RBMS3: variants seen among roughly 807,000 people sequenced by gnomAD.
RBMS3 encodes the protein RNA-binding motif, single-stranded-interacting protein 3.
A neutral mutation model predicts 66.8 loss-of-function variants in RBMS3; 27 were observed. The ratio of observed to expected loss-of-function variants is 0.40; its 90% CI spans 0.30 to 0.56. The LOEUF (loss-of-function observed/expected upper bound fraction) is 0.56. Ranked by LOEUF, RBMS3 falls within the 20% of genes least tolerant of loss-of-function variation. RBMS3 has a pLI of 0.40. For missense variants in RBMS3, 513 were observed against 549.5 expected (o/e 0.93, Z 0.66); for synonymous variants, 188 against 183.0 (o/e 1.03, Z -0.22).
rs2052352711 is a variant in RBMS3 at position 29,697,897 on chromosome 3, T to A, written c.400-41823T>A. Among the ~76,000 whole-genome samples, 8 of 152,264 alleles carry A rather than the reference T, an allele frequency of 5.3e-5. No individual in the cohort carries two copies. In the South Asian group the frequency reaches 1.7e-3, roughly 32 times the overall value. ...TGGATTTCAGATTTTTTATTTAGAGTTGCCTAATCTGTATACAAAAACTTT... is the reference window on the plus strand; with the variant it reads ...TGGATTTCAGATTTTTTATTTAGAGATGCCTAATCTGTATACAAAAACTTT... On this transcript the variant is annotated intron_variant, in intron 4 of 14. Transcript: ENST00000383767.
At chr3:29,972,193 T>G (rs1353424519) in intron 12 of RBMS3, among the ~76,000 whole-genome samples, 1 of 152,078 alleles carries the variant, frequency 6.6e-6, no homozygotes, top group Non-Finnish European at 1.5e-5. Flanking sequence ...CTATTTTTTT[T>G]TTGCTTTTGT....
intron 6 of RBMS3, among the ~76,000 whole-genome samples, chr3:29,824,162 A>C (rs1576916490): frequency 8.4e-6 from 1 of 119,020 alleles, no homozygotes; most frequent in South Asian, 2.8e-4. Flanking sequence ...CCTAACCTCC[A>C]AGGTAATGGT....
intron 8 of RBMS3, among the ~76,000 whole-genome samples, chr3:29,894,239 G>C (rs1559776197): frequency 6.6e-6 from 1 of 151,442 alleles, no homozygotes; most frequent in Admixed American, 6.6e-5. Flanking sequence ...TTTGTTTTTT[G>C]AGAAAAGGTC....
At chr3:29,345,901 C>T (rs1161514997) in intron 1 of RBMS3, among the ~76,000 whole-genome samples, 2 of 152,100 alleles carry the variant, frequency 1.3e-5, no homozygotes. Flanking sequence ...GCCAGAGGAG[C>T]CAATTTTTTT....
chr3:29,731,131 T>A, intron 4 of RBMS3: 1 of 634,620 alleles, frequency 1.6e-6, no homozygotes, highest in Non-Finnish European at 2.0e-6. Context: ...AAGAATAGCC[T>A]AAATGATCAG....
At chr3:29,751,409 G>A (rs759155476) in intron 5 of RBMS3, among the ~76,000 whole-genome samples, 1 of 152,042 alleles carries the variant, frequency 6.6e-6, no homozygotes, top group Non-Finnish European at 1.5e-5. Context: ...AAACCCTGTG[G>A]CAACATAGGG....
intron 14 of RBMS3, among the ~76,000 whole-genome samples, chr3:29,992,301 A>G (rs527236574): frequency 1.3e-5 from 2 of 152,344 alleles, no homozygotes; most frequent in South Asian, 4.1e-4. Context: ...AACCATAGGT[A>G]TTAGGCCGGG....
At chr3:29,572,300 C>T (rs1576262246) in intron 3 of RBMS3, among the ~76,000 whole-genome samples, 1 of 152,014 alleles carries the variant, frequency 6.6e-6, no homozygotes, top group South Asian at 2.1e-4. Flanking sequence ...CTAGAATTTC[C>T]AGTACTATGT....
chr3:29,360,954 A>G (rs980950407), intron 1 of RBMS3, among the ~76,000 whole-genome samples: 1 of 151,740 alleles, frequency 6.6e-6, no homozygotes, highest in Non-Finnish European at 1.5e-5. Flanking sequence ...TGCATGTGAG[A>G]TGGGTTTCCT....
chr3:29,719,576 T>TAGA (rs2053552932), intron 4 of RBMS3, among the ~76,000 whole-genome samples: 2 of 152,128 alleles, frequency 1.3e-5, no homozygotes, highest in Admixed American at 1.3e-4. Context: ...ATGAGTCAGA[T>TAGA]TGCAAAACTA....
At position 29,762,998 on chromosome 3, in the gene RBMS3, T is replaced by C. The variant is rs760207983; in HGVS notation, c.637+9T>C. 6.4e-7 allele frequency: 1 copy of C among 1,557,242 alleles called. No individual in the cohort carries two copies. Among genetic ancestry groups the C allele is most frequent in the Non-Finnish European group, 8.8e-7 (1 of 1,134,704 alleles). On this transcript the variant is annotated intron_variant, in intron 6 of 14. Transcript: ENST00000383767. ...ACCACCAGGCATCCCAGGTAAGAAA[T>C]TCACTAATAAGTGACTGAATGATGC...
intron 6 of RBMS3, among the ~76,000 whole-genome samples, chr3:29,798,296 G>A (rs1168794299): frequency 2.0e-5 from 2 of 100,324 alleles, no homozygotes; most frequent in Admixed American, 1.0e-4. Flanking sequence ...GAAGAGAAGG[G>A]AAGGGAGGGG....
rs2059423351 is a variant in RBMS3 at position 29,868,925 on chromosome 3, A to G, written c.705A>G (p.Lys235=). 41 of 1,603,400 alleles carry G rather than the reference A, an allele frequency of 2.6e-5. No individual in the cohort carries two copies. Among genetic ancestry groups the G allele is most frequent in the Non-Finnish European group, 3.5e-5 (41 of 1,174,254 alleles). ...GGQKKRQNQS[K]YTQNGRPWPR... is the part of the protein sequence containing the mutation. ...AAAAGAAGCGACAGAATCAAAGCAAATATACCCAGAATGGGAGGCCTTGGC... is the reference window on the plus strand; with the variant it reads ...AAAAGAAGCGACAGAATCAAAGCAAGTATACCCAGAATGGGAGGCCTTGGC... The change falls in exon 7 of 15, where the codon AAA becomes AAG. Residue 235 remains lysine, a synonymous_variant. Coordinates refer to ENST00000383767, the MANE Select transcript of RBMS3 (RefSeq NM_001003793.3).
At chr3:29,443,005 T>C (rs1052196966) in intron 2 of RBMS3, among the ~76,000 whole-genome samples, 2 of 152,156 alleles carry the variant, frequency 1.3e-5, no homozygotes, top group African/African-American at 4.8e-5. Flanking sequence ...CTAATAATTC[T>C]ATATTGTCCA....
At chr3:29,931,642 C>CAAAAT (rs1559812895) in intron 10 of RBMS3, among the ~76,000 whole-genome samples, 1 of 151,818 alleles carries the variant, frequency 6.6e-6, no homozygotes, top group Non-Finnish European at 1.5e-5. Context: ...CAAAACAAAA[C>CAAAAT]AAAACAAAAC....
chr3:29,281,388 C>A lies in RBMS3; in HGVS notation c.-294C>A. ...GGTTAGAGAACAAACTGCCTCATCC[C>A]AAGTGGACCCCGGCAGCTGGGGGAA... is the stretch of plus-strand genomic sequence containing the variant. On this transcript the variant is annotated 5_prime_UTR_variant, in exon 1 of 15. Coordinates refer to ENST00000383767, the MANE Select transcript of RBMS3 (RefSeq NM_001003793.3). 2.1e-6 allele frequency: 1 copy of A among 469,218 alleles called. No individual in the cohort carries two copies. Among genetic ancestry groups the A allele is most frequent in the Non-Finnish European group, 3.8e-6 (1 of 265,920 alleles). 29.1% of individuals were successfully genotyped at this position (469,218 alleles called of 1,614,324 possible). A position where few individuals can be genotyped will look rare whatever the true frequency, so the allele number is the denominator to read the frequency against.
At chr3:29,696,594 G>A (rs1352498112) in intron 4 of RBMS3, among the ~76,000 whole-genome samples, 1 of 152,092 alleles carries the variant, frequency 6.6e-6, no homozygotes, top group South Asian at 2.1e-4. Flanking sequence ...TTTTCTGCAC[G>A]AAGGCCAGAA....
chr3:29,507,224 TC>T (rs2044216330), intron 3 of RBMS3, among the ~76,000 whole-genome samples: 1 of 151,932 alleles, frequency 6.6e-6, no homozygotes, highest in Non-Finnish European at 1.5e-5. Context: ...TGACCTCATT[TC>T]AAGAGTCAAT....
intron 11 of RBMS3, among the ~76,000 whole-genome samples, chr3:29,943,563 G>T (rs138832539): frequency 6.6e-6 from 1 of 151,856 alleles, no homozygotes; most frequent in African/African-American, 2.4e-5. Flanking sequence ...AATGCTAGGA[G>T]ACTTGGGATA....
Sources: gnomAD v4.1 joint callset for allele counts (sites outside exome capture counted in the v4.1 genomes callset) on GRCh38, gnomAD v4.1.1 for gene constraint, MANE v1.5 for transcripts, NCBI Gene and HGNC (gene_info 2026-07-23, HGNC 2026-07-21) for gene names.